The following ALK variants were observed in gnomAD, a reference collection of about 807,000 sequenced individuals.
ALK encodes the protein ALK receptor tyrosine kinase, also known as ALK tyrosine kinase receptor.
ALK carries 74 observed loss-of-function variants against 163.1 expected under a neutral mutation model. The observed-to-expected ratio is 0.45, with a 90% CI of 0.38 to 0.55. The LOEUF (loss-of-function observed/expected upper bound fraction) is 0.55, where lower values mean the gene tolerates loss of function less well. Among genes scored for constraint, ALK ranks in the 20% least tolerant of loss-of-function variants. The pLI is 0.00. For synonymous variants in ALK, 960 were observed against 843.2 expected (o/e 1.14, Z -2.40); for missense variants, 2,063 against 2,105.3 (o/e 0.98, Z 0.39).
At chr2:29,686,948 G>T (rs1678258967) in intron 3 of ALK, among the ~76,000 whole-genome samples, 1 of 152,066 alleles carries the variant, frequency 6.6e-6, no homozygotes, top group Admixed American at 6.6e-5. Flanking sequence ...CAGATCTAAG[G>T]GCCAGGGACT....
At chr2:29,901,196 A>T (rs73922362) in intron 1 of ALK, among the ~76,000 whole-genome samples, 2,830 of 152,266 alleles carry the variant, frequency 0.019, 90 homozygotes, top group East Asian at 0.072. Context: ...AACAGAGATA[A>T]AACTATCTGT....
At chr2:29,791,478 G>A (rs745566422) in intron 1 of ALK, among the ~76,000 whole-genome samples, 2 of 152,124 alleles carry the variant, frequency 1.3e-5, no homozygotes, top group Admixed American at 6.5e-5. Context: ...AGGGCCTGTC[G>A]AGGGGTGGTG....
chr2:29,568,430 C>G (rs1233028389), intron 3 of ALK, among the ~76,000 whole-genome samples: 3 of 152,178 alleles, frequency 2.0e-5, no homozygotes, highest in African/African-American at 4.8e-5. Flanking sequence ...AGCTAGGGAA[C>G]TGACAAGGGG....
chr2:29,755,630 C>T (rs954903371), intron 1 of ALK, among the ~76,000 whole-genome samples: 2 of 152,148 alleles, frequency 1.3e-5, no homozygotes, highest in South Asian at 2.1e-4. Context: ...ATGTGCCAGG[C>T]AACAAACTGA....
At chr2:29,862,446 G>C (rs929551676) in intron 1 of ALK, among the ~76,000 whole-genome samples, 11 of 152,022 alleles carry the variant, frequency 7.2e-5, no homozygotes, top group African/African-American at 2.7e-4. Flanking sequence ...ATTCAATAAA[G>C]TTTCATCATA....
intron 25 of ALK, among the ~76,000 whole-genome samples, chr2:29,209,520 CAACAAGAGCGA>C (rs1669405200): frequency 8.9e-6 from 1 of 111,824 alleles, no homozygotes; most frequent in Non-Finnish European, 1.7e-5. Flanking sequence ...CCAGCCTGGG[CAACAAGAGCGA>C]AACTCCGTCT....
intron 13 of ALK, among the ~76,000 whole-genome samples, chr2:29,238,110 G>T (rs1030892567): frequency 6.6e-6 from 1 of 152,200 alleles, no homozygotes; most frequent in Non-Finnish European, 1.5e-5. Context: ...CAGTGTGGCC[G>T]GGTACATAGA....
chr2:29,769,713 C>G (rs765330059), intron 1 of ALK, among the ~76,000 whole-genome samples: 8 of 152,080 alleles, frequency 5.3e-5, no homozygotes, highest in Admixed American at 4.6e-4. Context: ...AACGATAACA[C>G]AAAAACGTGA....
chr2:29,208,044 C>T (rs116692839), intron 25 of ALK: 5,919 of 453,900 alleles, frequency 0.013, 81 homozygotes, highest in Non-Finnish European at 0.019. Flanking sequence ...GTATCAGGTA[C>T]TCTGCCATGT....
chr2:29,400,047 C>T (rs1371786527), intron 4 of ALK, among the ~76,000 whole-genome samples: 1 of 152,162 alleles, frequency 6.6e-6, no homozygotes, highest in Non-Finnish European at 1.5e-5. Flanking sequence ...GATGACTTGG[C>T]TCCGTGTATG....
At chr2:29,668,025 G>A in intron 3 of ALK, among the ~76,000 whole-genome samples, 1 of 152,072 alleles carries the variant, frequency 6.6e-6, no homozygotes, top group Non-Finnish European at 1.5e-5. Context: ...TAGATTGTAT[G>A]TGTCCAAGAA....
chr2:29,625,826 C>T (rs1402788866), intron 3 of ALK, among the ~76,000 whole-genome samples: 2 of 152,190 alleles, frequency 1.3e-5, no homozygotes, highest in African/African-American at 4.8e-5. Context: ...ACATCACTTG[C>T]CTGATGGAGC....
intron 28 of ALK, among the ~76,000 whole-genome samples, chr2:29,195,625 C>T (rs952711588): frequency 1.3e-5 from 2 of 152,160 alleles, no homozygotes; most frequent in African/African-American, 2.4e-5. Context: ...ATCCTGGTCA[C>T]TCAGGAGGCT....
chr2:29,801,501 C>T (rs1664466733), intron 1 of ALK, among the ~76,000 whole-genome samples: 1 of 152,238 alleles, frequency 6.6e-6, no homozygotes, highest in Non-Finnish European at 1.5e-5. Context: ...GTTTTGCCTG[C>T]ATCGTGCATT....
intron 1 of ALK, among the ~76,000 whole-genome samples, chr2:29,882,682 C>T (rs570518407): frequency 6.6e-6 from 1 of 152,078 alleles, no homozygotes; most frequent in Non-Finnish European, 1.5e-5. Flanking sequence ...GACAGACAGG[C>T]AACAACAACG....
chr2:29,424,899 T>C (rs1429744945), intron 4 of ALK, among the ~76,000 whole-genome samples: 1 of 152,188 alleles, frequency 6.6e-6, no homozygotes, highest in East Asian at 1.9e-4. Flanking sequence ...GAGGGTACCA[T>C]AAATAAAATT....
chr2:29,669,605 T>C (rs1262889949), intron 3 of ALK, among the ~76,000 whole-genome samples: 2 of 152,088 alleles, frequency 1.3e-5, no homozygotes, highest in East Asian at 1.9e-4. Context: ...TTTAGTGTTA[T>C]TATTGATAAT....
intron 1 of ALK, among the ~76,000 whole-genome samples, chr2:29,735,696 A>T (rs921714669): frequency 6.6e-6 from 1 of 152,026 alleles, no homozygotes; most frequent in African/African-American, 2.4e-5. Context: ...TGCTGTTCTC[A>T]TGATAGCGAG....
chr2:29,691,979 A>T (rs1349121886), intron 3 of ALK, among the ~76,000 whole-genome samples: 1 of 152,126 alleles, frequency 6.6e-6, no homozygotes, highest in Admixed American at 6.6e-5. Flanking sequence ...ACCTGTAACG[A>T]CCAAAAAAAA....
Sources: gnomAD v4.1 joint callset for allele counts (sites outside exome capture counted in the v4.1 genomes callset) on GRCh38, gnomAD v4.1.1 for gene constraint, MANE v1.5 for transcripts, NCBI Gene and HGNC (gene_info 2026-07-23, HGNC 2026-07-21) for gene names.